The following AP3B1 variants were observed in gnomAD, a reference collection of about 807,000 sequenced individuals.
The protein encoded by AP3B1 is adaptor related protein complex 3 subunit beta 1, also known as AP-3 complex subunit beta-1.
Under a neutral mutation model 132.5 loss-of-function variants are expected in AP3B1, and 61 were observed. That is an observed-to-expected ratio of 0.46 (90% CI 0.37 to 0.57). AP3B1 has a LOEUF of 0.57. Ranked by LOEUF, AP3B1 falls within the 20% of genes least tolerant of loss-of-function variation. The probability of loss-of-function intolerance (pLI) is 0.00; values close to 1 mark genes in which losing one functional copy is unlikely to be tolerated. For synonymous variants in AP3B1, 388 were observed against 438.3 expected (o/e 0.89, Z 1.43); for missense variants, 1,120 against 1,289.4 (o/e 0.87, Z 2.01).
intron 22 of AP3B1, among the ~76,000 whole-genome samples, chr5:78,063,661 A>G (rs1392898784): frequency 6.6e-6 from 1 of 152,242 alleles, no homozygotes; most frequent in African/African-American, 2.4e-5. Context: ...TAACACAAAA[A>G]CAGATTGAAG....
chr5:78,093,320 A>G (rs577227644), intron 21 of AP3B1, among the ~76,000 whole-genome samples: 1 of 152,290 alleles, frequency 6.6e-6, no homozygotes, highest in South Asian at 2.1e-4. Flanking sequence ...TGGCCTCCAA[A>G]GTGCTAGATT....
chr5:78,086,233 G>C (rs146141869), intron 22 of AP3B1, among the ~76,000 whole-genome samples: 4 of 152,050 alleles, frequency 2.6e-5, no homozygotes, highest in Non-Finnish European at 5.9e-5. Context: ...TCTATGTACA[G>C]CCTTAATAGT....
chr5:78,077,018 A>G (rs912643372), intron 22 of AP3B1, among the ~76,000 whole-genome samples: 1 of 152,176 alleles, frequency 6.6e-6, no homozygotes, highest in African/African-American at 2.4e-5. Flanking sequence ...GGAAATCCGT[A>G]AAGTTACAGC....
intron 3 of AP3B1, among the ~76,000 whole-genome samples, chr5:78,236,254 A>G (rs944820107): frequency 2.1e-4 from 32 of 152,124 alleles, no homozygotes; most frequent in Non-Finnish European, 3.2e-4. Flanking sequence ...TTGGTATGGA[A>G]TTTTCTGTTT....
chr5:78,252,981 G>A (rs554351048), intron 2 of AP3B1, among the ~76,000 whole-genome samples: 20 of 152,356 alleles, frequency 1.3e-4, no homozygotes, highest in Admixed American at 2.6e-4. Flanking sequence ...GTGGCCACAC[G>A]GGTGCTTGTG....
chr5:78,181,421 C>T, intron 8 of AP3B1, 86 bp downstream of exon 8: 6 of 1,290,966 alleles, frequency 4.6e-6, no homozygotes, highest in Admixed American at 1.8e-5. Context: ...CATTAGCACA[C>T]ACAGACTCAC....
At chr5:78,270,071 C>T (rs1748488373) in intron 1 of AP3B1, among the ~76,000 whole-genome samples, 1 of 152,012 alleles carries the variant, frequency 6.6e-6, no homozygotes, top group Non-Finnish European at 1.5e-5. Context: ...CATCACCACA[C>T]CCAGCTAATT....
At chr5:78,076,459 A>G (rs781396965) in intron 22 of AP3B1, among the ~76,000 whole-genome samples, 1 of 152,226 alleles carries the variant, frequency 6.6e-6, no homozygotes, top group Admixed American at 6.5e-5. Flanking sequence ...TTCCCCAGTG[A>G]TAAAAGTGTC....
intron 22 of AP3B1, among the ~76,000 whole-genome samples, chr5:78,068,582 A>G (rs932435068): frequency 6.6e-6 from 1 of 152,200 alleles, no homozygotes; most frequent in African/African-American, 2.4e-5. Flanking sequence ...GAACAGATCA[A>G]CAAGTTCTGA....
chr5:78,252,171 T>A (rs914457213), intron 2 of AP3B1, among the ~76,000 whole-genome samples: 2 of 152,164 alleles, frequency 1.3e-5, no homozygotes, highest in Non-Finnish European at 2.9e-5. Context: ...GGGCCCTGAA[T>A]AACCAGCAGC....
At chr5:78,117,808 T>C (rs916972559) in intron 17 of AP3B1, among the ~76,000 whole-genome samples, 1 of 152,226 alleles carries the variant, frequency 6.6e-6, no homozygotes, top group African/African-American at 2.4e-5. Flanking sequence ...AGTTTGCTTT[T>C]ATAGTCATGG....
intron 22 of AP3B1, among the ~76,000 whole-genome samples, chr5:78,064,814 G>A (rs906337179): frequency 3.9e-5 from 6 of 152,134 alleles, no homozygotes; most frequent in Non-Finnish European, 7.3e-5. Flanking sequence ...AGTAATAAAA[G>A]GAATGTGTAA....
At chr5:78,054,847 G>C (rs1748739182) in intron 22 of AP3B1, among the ~76,000 whole-genome samples, 1 of 152,114 alleles carries the variant, frequency 6.6e-6, no homozygotes, top group South Asian at 2.1e-4. Context: ...TATGGGTATA[G>C]TGATTTTAAA....
At chr5:78,209,425 T>C (rs551851274) in intron 7 of AP3B1, among the ~76,000 whole-genome samples, 8 of 152,326 alleles carry the variant, frequency 5.3e-5, no homozygotes, top group South Asian at 4.1e-4. Context: ...TTCTATTGAT[T>C]CCAGGTCTTC....
At chr5:78,105,315 A>G (rs1227915593) in intron 20 of AP3B1, among the ~76,000 whole-genome samples, 1 of 152,188 alleles carries the variant, frequency 6.6e-6, no homozygotes, top group East Asian at 1.9e-4. Context: ...GCACTCTAAT[A>G]TACTGGGTAG....
At chr5:78,024,325 A>C (rs1747235456) in intron 24 of AP3B1, among the ~76,000 whole-genome samples, 1 of 152,200 alleles carries the variant, frequency 6.6e-6, no homozygotes. Flanking sequence ...CAGAGGCACA[A>C]GACAATCAAC....
chr5:78,288,892 AAAAG>A (rs1430243300), intron 1 of AP3B1, among the ~76,000 whole-genome samples: 3 of 152,162 alleles, frequency 2.0e-5, no homozygotes, highest in Admixed American at 6.5e-5. Flanking sequence ...AGGATAAGCA[AAAAG>A]AAAGTAGAGC....
At chr5:78,014,297 C>T (rs1331804195) in intron 26 of AP3B1, among the ~76,000 whole-genome samples, 1 of 151,960 alleles carries the variant, frequency 6.6e-6, no homozygotes, top group African/African-American at 2.4e-5. Context: ...TGAAGTTAGG[C>T]AACTACGGAT....
intron 7 of AP3B1, among the ~76,000 whole-genome samples, chr5:78,189,476 C>T (rs975156911): frequency 1.3e-5 from 2 of 152,008 alleles, no homozygotes; most frequent in Non-Finnish European, 2.9e-5. Flanking sequence ...AATTAAAGGT[C>T]GATGAATCAC....
Sources: gnomAD v4.1 joint callset for allele counts (sites outside exome capture counted in the v4.1 genomes callset) on GRCh38, gnomAD v4.1.1 for gene constraint, MANE v1.5 for transcripts, NCBI Gene and HGNC (gene_info 2026-07-23, HGNC 2026-07-21) for gene names.